CTNNAL1: variants seen among roughly 807,000 people sequenced by gnomAD.
CTNNAL1 encodes the protein alpha-catulin.
CTNNAL1 carries 69 observed loss-of-function variants against 93.6 expected under a neutral mutation model. The ratio of observed to expected loss-of-function variants is 0.74; its 90% CI spans 0.61 to 0.90. CTNNAL1 has a LOEUF of 0.90. Ranked by LOEUF, CTNNAL1 falls within the 40% of genes least tolerant of loss-of-function variation. CTNNAL1 has a pLI of 0.00. For missense variants in CTNNAL1, 836 were observed against 862.0 expected, an observed-to-expected ratio of 0.97 and a Z score of 0.38; for synonymous variants, 286 against 305.4, an observed-to-expected ratio of 0.94 and a Z score of 0.66.
chr9:108,946,477 A>G (rs1830407920), intron 15 of CTNNAL1, among the ~76,000 whole-genome samples: 1 of 151,982 alleles, frequency 6.6e-6, no homozygotes, highest in Non-Finnish European at 1.5e-5. Flanking sequence ...CTCTACCCAC[A>G]TTTATCCATC....
At chr9:109,008,855 T>G (rs868518273) in intron 1 of CTNNAL1, among the ~76,000 whole-genome samples, 11 of 151,428 alleles carry the variant, frequency 7.3e-5, no homozygotes, top group Admixed American at 1.3e-4. Context: ...ACTTACGTTT[T>G]CCTTTTGATG....
At chr9:108,972,868 G>GGGGCCCCCCCCCGGC in intron 8 of CTNNAL1, 35 bp from the exon 9 acceptor site, 1 of 1,092,790 alleles carries the variant, frequency 9.2e-7, no homozygotes. Flanking sequence ...GGGTGGGAGG[G>GGGGCCCCCCCCCGGC]TGGAGAAGGA....
chr9:108,989,774 G>A (rs1831729756), intron 4 of CTNNAL1, among the ~76,000 whole-genome samples: 1 of 152,256 alleles, frequency 6.6e-6, no homozygotes, highest in Non-Finnish European at 1.5e-5. Flanking sequence ...TATTGGCTGG[G>A]CACGGTGATT....
At position 109,013,498 on chromosome 9, in the gene CTNNAL1, TC is replaced by T; in HGVS notation, c.-57del. On this transcript the variant is annotated 5_prime_UTR_variant, in exon 1 of 19. Transcript: ENST00000325551. ...CGCGCCGCGGCGAGCCTGCCGCCAGTCAGCCCACCCGCCCGAGGCGGCGGCG... is the reference window on the plus strand; with the variant it reads ...CGCGCCGCGGCGAGCCTGCCGCCAGTAGCCCACCCGCCCGAGGCGGCGGCG... 7.6e-7 allele frequency: 1 copy of T among 1,307,364 alleles called. No individual in the cohort carries two copies. The highest frequency in any genetic ancestry group is 9.8e-7 in the Non-Finnish European group (1 of 1,024,034). The allele number at this position is 1,307,364 out of a possible 1,614,324, so 81.0% of individuals were successfully genotyped here. A position where few individuals can be genotyped will look rare whatever the true frequency, so the allele number is the denominator to read the frequency against.
At chr9:108,963,741 C>A (rs1469867480) in intron 11 of CTNNAL1, among the ~76,000 whole-genome samples, 1 of 152,216 alleles carries the variant, frequency 6.6e-6, no homozygotes, top group Non-Finnish European at 1.5e-5. Flanking sequence ...AGACAATATT[C>A]CTCTGGCCTT....
chr9:108,962,894 A>G (rs1587955023), intron 11 of CTNNAL1, among the ~76,000 whole-genome samples: 1 of 152,186 alleles, frequency 6.6e-6, no homozygotes, highest in South Asian at 2.1e-4. Context: ...AGAGAGATTA[A>G]GTTAGGAAAT....
intron 6 of CTNNAL1, 31 bp from the exon 7 acceptor site, chr9:108,979,512 T>TG: frequency 6.2e-7 from 1 of 1,605,786 alleles, no homozygotes; most frequent in Non-Finnish European, 8.5e-7. Context: ...TATCCATCCA[T>TG]GTGAGTCAAT....
intron 2 of CTNNAL1, among the ~76,000 whole-genome samples, chr9:108,995,507 A>C (rs1301018695): frequency 2.0e-5 from 3 of 152,222 alleles, no homozygotes; most frequent in Non-Finnish European, 4.4e-5. Context: ...TTCAAAGTGT[A>C]AACTGTTCAG....
At chr9:109,004,786 G>GA (rs200653091) in intron 1 of CTNNAL1, among the ~76,000 whole-genome samples, 5 of 151,090 alleles carry the variant, frequency 3.3e-5, no homozygotes, top group Non-Finnish European at 7.4e-5. Flanking sequence ...ACTCTGTCTT[G>GA]AAAAAAATAA....
chr9:108,943,063 T>A lies in CTNNAL1; in HGVS notation c.2056-19A>T, dbSNP rs1371880552. ...TGTCAACCTACAATGACAAAAAGCA[T>A]GCAAATGATATTCTAAAAGTAGTAC... On this transcript the variant is annotated intron_variant, in intron 17 of 18. Transcript: ENST00000325551. 1.3e-6 allele frequency: 2 copies of A among 1,590,226 alleles called. No individual in the cohort carries two copies. The highest frequency in any genetic ancestry group is 1.4e-5 in the African/African-American group (1 of 73,598).
In CTNNAL1 at chr9:108,990,847, T is replaced by C. The variant is rs1416740365; in HGVS notation, c.520-2A>G. 1.2e-6 allele frequency: 2 copies of C among 1,610,690 alleles called. No homozygotes were observed. The highest frequency in any genetic ancestry group is 1.7e-6 in the Non-Finnish European group (2 of 1,178,778). On this transcript the variant is annotated splice_acceptor_variant, in intron 3 of 18. Coordinates refer to ENST00000325551, the MANE Select transcript of CTNNAL1 (RefSeq NM_003798.4). LOFTEE classifies it high-confidence loss of function. ...TAGTCTTTCCATAGTTGCGAGAACC[T>C]GCAAAACAGATAATAATTCATTATT...
chr9:108,950,095 C>CTATATTCAT (rs1354187691), intron 14 of CTNNAL1, among the ~76,000 whole-genome samples: 66 of 150,606 alleles, frequency 4.4e-4, no homozygotes, highest in African/African-American at 1.5e-3. Flanking sequence ...ACATATCAAA[C>CTATATTCAT]TATATTCATT....
At chr9:108,945,486 G>T in intron 15 of CTNNAL1, among the ~76,000 whole-genome samples, 1 of 145,868 alleles carries the variant, frequency 6.9e-6, no homozygotes, top group African/African-American at 2.5e-5. Context: ...TTTTGAGACA[G>T]GGTCTCACTC....
intron 7 of CTNNAL1, among the ~76,000 whole-genome samples, chr9:108,978,818 A>C (rs967206194): frequency 4.1e-4 from 63 of 152,282 alleles, no homozygotes; most frequent in East Asian, 1.5e-3. Context: ...TCTACACCCC[A>C]ATAAGTTTTC....
At chr9:109,004,696 G>A (rs1826959748) in intron 1 of CTNNAL1, among the ~76,000 whole-genome samples, 1 of 152,018 alleles carries the variant, frequency 6.6e-6, no homozygotes, top group Non-Finnish European at 1.5e-5. Flanking sequence ...TGAGGCAGGA[G>A]AATTGCTTGA....
At chr9:109,008,522 G>A (rs1034911010) in intron 1 of CTNNAL1, among the ~76,000 whole-genome samples, 2 of 152,116 alleles carry the variant, frequency 1.3e-5, no homozygotes, top group East Asian at 1.9e-4. Flanking sequence ...CTGGGCCACA[G>A]GTAATGCCCA....
At chr9:108,972,587 A>G in intron 9 of CTNNAL1, 88 bp downstream of exon 9, 1 of 1,171,262 alleles carries the variant, frequency 8.5e-7, no homozygotes, top group Non-Finnish European at 1.2e-6. Flanking sequence ...AGATAAATTA[A>G]CCCAAAACTG....
intron 11 of CTNNAL1, among the ~76,000 whole-genome samples, chr9:108,959,046 T>C (rs925370944): frequency 1.3e-5 from 2 of 151,650 alleles, no homozygotes; most frequent in African/African-American, 4.8e-5. Context: ...GGAGGGTTAC[T>C]TGAGGCCAGG....
chr9:108,969,687 C>A (rs1040840614), intron 10 of CTNNAL1, among the ~76,000 whole-genome samples: 2 of 152,112 alleles, frequency 1.3e-5, no homozygotes, highest in Non-Finnish European at 2.9e-5. Context: ...GACTCTTGCT[C>A]TGTCACCCAG....
Sources: gnomAD v4.1 joint callset for allele counts (sites outside exome capture counted in the v4.1 genomes callset) on GRCh38, gnomAD v4.1.1 for gene constraint, MANE v1.5 for transcripts, NCBI Gene and HGNC (gene_info 2026-07-23, HGNC 2026-07-21) for gene names.